Variants in PGCKA1 observed in about 807,000 individuals in gnomAD.
PGCKA1 encodes PDCD10 and GCKIII kinases-associated protein 1.
chr4:37,553,763 A>G, the PGCKA1 span, among the ~76,000 whole-genome samples: 1 of 152,228 alleles, frequency 6.6e-6, no homozygotes, highest in Non-Finnish European at 1.5e-5. Context: ...TAAATTGCCA[A>G]TGATATTTTT....
the PGCKA1 span, among the ~76,000 whole-genome samples, chr4:37,559,943 C>T: frequency 6.6e-6 from 1 of 152,218 alleles, no homozygotes; most frequent in Non-Finnish European, 1.5e-5. Context: ...CTCCTATCTG[C>T]AAACCTTATC....
chr4:37,539,351 A>T, the PGCKA1 span, among the ~76,000 whole-genome samples: 1 of 152,092 alleles, frequency 6.6e-6, no homozygotes, highest in Admixed American at 6.5e-5. Context: ...CCTGATATGT[A>T]AGTTCCCCTC....
chr4:37,543,291 C>T, the PGCKA1 span, among the ~76,000 whole-genome samples: 1 of 152,176 alleles, frequency 6.6e-6, no homozygotes, highest in South Asian at 2.1e-4. Context: ...CACCATTCTC[C>T]ACTGAACCCC....
the PGCKA1 span, among the ~76,000 whole-genome samples, chr4:37,575,854 C>T: frequency 0.016 from 2,385 of 152,222 alleles, 116 homozygotes; most frequent in East Asian, 0.13. Flanking sequence ...ACTGAGGAAA[C>T]TGTCCTTTCC....
the PGCKA1 span, among the ~76,000 whole-genome samples, chr4:37,560,209 C>T: frequency 1.3e-5 from 2 of 152,192 alleles, no homozygotes; most frequent in Non-Finnish European, 2.9e-5. Flanking sequence ...CTCAAGGATG[C>T]CAGGTCACTG....
At chr4:37,504,609 A>G in the PGCKA1 span, among the ~76,000 whole-genome samples, 5 of 151,940 alleles carry the variant, frequency 3.3e-5, no homozygotes, top group Non-Finnish European at 5.9e-5. Flanking sequence ...TCTTTCACCA[A>G]TGTTTTATAG....
At chr4:37,504,385 T>A in the PGCKA1 span, among the ~76,000 whole-genome samples, 1 of 152,196 alleles carries the variant, frequency 6.6e-6, no homozygotes, top group Admixed American at 6.5e-5. Flanking sequence ...TGTTCTTTTT[T>A]GCTCAGGATA....
chr4:37,526,368 C>T, the PGCKA1 span, among the ~76,000 whole-genome samples: 1 of 152,108 alleles, frequency 6.6e-6, no homozygotes, highest in Admixed American at 6.5e-5. Flanking sequence ...ACACTTGGCC[C>T]GTAGGATTCT....
the PGCKA1 span, among the ~76,000 whole-genome samples, chr4:37,480,781 G>C: frequency 6.6e-6 from 1 of 152,268 alleles, no homozygotes; most frequent in Non-Finnish European, 1.5e-5. Flanking sequence ...TCTGGGAAGG[G>C]AGGAGTTTGG....
the PGCKA1 span, among the ~76,000 whole-genome samples, chr4:37,488,552 C>T: frequency 1.4e-3 from 208 of 152,274 alleles, no homozygotes; most frequent in Non-Finnish European, 2.7e-3. Context: ...CAGAGTATAA[C>T]CTCTGCCTTA....
At chr4:37,587,201 C>T in the PGCKA1 span, among the ~76,000 whole-genome samples, 1 of 152,148 alleles carries the variant, frequency 6.6e-6, no homozygotes, top group Admixed American at 6.5e-5. Context: ...CCCTCCACCT[C>T]CTTCTCATAA....
At chr4:37,516,001 G>A in the PGCKA1 span, among the ~76,000 whole-genome samples, 10 of 152,076 alleles carry the variant, frequency 6.6e-5, no homozygotes, top group African/African-American at 9.7e-5. Flanking sequence ...TATATAAAAT[G>A]CCTTTTTCAA....
At chr4:37,566,932 G>A in the PGCKA1 span, among the ~76,000 whole-genome samples, 3 of 152,004 alleles carry the variant, frequency 2.0e-5, no homozygotes, top group Non-Finnish European at 2.9e-5. Flanking sequence ...TAAAATAACC[G>A]CTATATCCTG....
chr4:37,541,551 CAAATGCTGCACATT>C, the PGCKA1 span, among the ~76,000 whole-genome samples: 1 of 152,236 alleles, frequency 6.6e-6, no homozygotes, highest in Non-Finnish European at 1.5e-5. Flanking sequence ...GCCTACTCAT[CAAATGCTGCACATT>C]AATAACAATT....
At chr4:37,510,778 CCTT>C in the PGCKA1 span, among the ~76,000 whole-genome samples, 1 of 152,000 alleles carries the variant, frequency 6.6e-6, no homozygotes, top group Non-Finnish European at 1.5e-5. Flanking sequence ...GGGCTCATGT[CCTT>C]CTTTTCAGGT....
At chr4:37,505,819 C>G in the PGCKA1 span, among the ~76,000 whole-genome samples, 10 of 152,322 alleles carry the variant, frequency 6.6e-5, no homozygotes, top group South Asian at 1.9e-3. Context: ...CAGAAGTATT[C>G]CCTCCTCCAC....
the PGCKA1 span, among the ~76,000 whole-genome samples, chr4:37,469,414 AC>A: frequency 6.6e-6 from 1 of 152,204 alleles, no homozygotes; most frequent in African/African-American, 2.4e-5. Context: ...TACCAACTTC[AC>A]ATAGAGACTG....
At chr4:37,472,498 T>C in the PGCKA1 span, among the ~76,000 whole-genome samples, 2 of 152,154 alleles carry the variant, frequency 1.3e-5, no homozygotes, top group Non-Finnish European at 2.9e-5. Context: ...TATTTAAAAA[T>C]AAAATAATAT....
chr4:37,546,748 G>T, the PGCKA1 span, among the ~76,000 whole-genome samples: 1 of 152,226 alleles, frequency 6.6e-6, no homozygotes, highest in African/African-American at 2.4e-5. Flanking sequence ...GGCCTGCCCT[G>T]TGGAGCATCC....
Sources: allele counts gnomAD v4.1 joint callset (sites outside exome capture counted in the v4.1 genomes callset), GRCh38; gene constraint gnomAD v4.1.1; transcripts MANE v1.5; gene names NCBI Gene and HGNC (gene_info 2026-07-23, HGNC 2026-07-21).